CNTN5: variants seen among roughly 807,000 people sequenced by gnomAD.
The protein encoded by CNTN5 is contactin-5.
Under a neutral mutation model 129.1 loss-of-function variants are expected in CNTN5, and 77 were observed. The ratio of observed to expected loss-of-function variants is 0.60; its 90% CI spans 0.50 to 0.72. The LOEUF (loss-of-function observed/expected upper bound fraction) is 0.72. Among genes scored for constraint, CNTN5 ranks in the 30% least tolerant of loss-of-function variants. CNTN5 has a pLI of 0.00. For missense variants in CNTN5, 1,478 were observed against 1,328.8 expected, an observed-to-expected ratio of 1.11 and a Z score of -1.75; for synonymous variants, 509 against 465.6, an observed-to-expected ratio of 1.09 and a Z score of -1.20.
intron 1 of CNTN5, among the ~76,000 whole-genome samples, chr11:99,301,428 G>T (rs1391070864): frequency 6.6e-6 from 1 of 151,576 alleles, no homozygotes; most frequent in Non-Finnish European, 1.5e-5. Flanking sequence ...ATAATCAAGA[G>T]AACTGGAATG....
rs775793276 is a variant in CNTN5 at position 100,356,233 on chromosome 11, T to A, written c.*13T>A. ...AACTTCCTGGTGAAAACTGCTGACT[T>A]AATTTGCTTTTGTTTGCTTTAGCTT... On this transcript the variant is annotated 3_prime_UTR_variant, in exon 25 of 25. Coordinates refer to ENST00000524871, the MANE Select transcript of CNTN5 (RefSeq NM_014361.4). 5 of 1,564,704 alleles carry A rather than the reference T, an allele frequency of 3.2e-6. No individual in the cohort carries two copies. The highest frequency in any genetic ancestry group is 1.8e-6 in the Non-Finnish European group (2 of 1,141,506).
chr11:99,042,492 C>G (rs1037615840), intron 1 of CNTN5, among the ~76,000 whole-genome samples: 1 of 150,332 alleles, frequency 6.7e-6, no homozygotes, highest in Non-Finnish European at 1.5e-5. Context: ...TCTCCTGCCT[C>G]AGCCTCCCGA....
At chr11:99,609,031 C>G (rs1221467865) in intron 3 of CNTN5, among the ~76,000 whole-genome samples, 1 of 152,138 alleles carries the variant, frequency 6.6e-6, no homozygotes, top group South Asian at 2.1e-4. Flanking sequence ...CTTTGTATGC[C>G]AGTTTCACAT....
At chr11:99,861,772 G>C (rs552752918) in intron 6 of CNTN5, among the ~76,000 whole-genome samples, 1 of 152,254 alleles carries the variant, frequency 6.6e-6, no homozygotes, top group Non-Finnish European at 1.5e-5. Flanking sequence ...TATTGTGATT[G>C]TTGTACTCAC....
intron 2 of CNTN5, among the ~76,000 whole-genome samples, chr11:99,543,085 A>G (rs1445177108): frequency 6.6e-6 from 1 of 152,150 alleles, no homozygotes; most frequent in Non-Finnish European, 1.5e-5. Flanking sequence ...TGTTATATAT[A>G]TATTCCTGGA....
chr11:99,697,293 G>A (rs1033963702), intron 3 of CNTN5, among the ~76,000 whole-genome samples: 4 of 151,692 alleles, frequency 2.6e-5, no homozygotes, highest in East Asian at 1.9e-4. Context: ...GAAGGATGGG[G>A]TTGGGGAGAG....
intron 1 of CNTN5, among the ~76,000 whole-genome samples, chr11:99,158,319 C>T (rs1306571641): frequency 6.6e-6 from 1 of 152,144 alleles, no homozygotes; most frequent in Non-Finnish European, 1.5e-5. Flanking sequence ...AAGTATGCTT[C>T]ATGTGCATGA....
chr11:99,961,366 A>G (rs994355661), intron 8 of CNTN5, among the ~76,000 whole-genome samples: 2 of 152,180 alleles, frequency 1.3e-5, no homozygotes, highest in African/African-American at 4.8e-5. Flanking sequence ...AATCTATATT[A>G]TTAATGAGAA....
At chr11:99,847,531 C>T (rs893016445) in intron 6 of CNTN5, among the ~76,000 whole-genome samples, 5 of 152,274 alleles carry the variant, frequency 3.3e-5, no homozygotes, top group African/African-American at 4.8e-5. Flanking sequence ...AGGTCATTGG[C>T]TACATACGCA....
chr11:99,301,843 T>C (rs1440988767), intron 1 of CNTN5, among the ~76,000 whole-genome samples: 1 of 151,694 alleles, frequency 6.6e-6, no homozygotes. Context: ...GTGACAATCG[T>C]AAATAAGTTT....
chr11:99,823,461 G>A (rs1315447315), intron 4 of CNTN5, among the ~76,000 whole-genome samples: 1 of 151,516 alleles, frequency 6.6e-6, no homozygotes, highest in Non-Finnish European at 1.5e-5. Context: ...TTTCTACAAG[G>A]CCTACTTTTT....
Position 99,071,194 on chromosome 11 carries a change from T to C in CNTN5, c.-210+49924T>C, listed in dbSNP as rs375792820. Among the ~76,000 whole-genome samples the C allele has an allele frequency of 2.0e-3, 301 of 152,268 alleles. 14 individuals are homozygous for C. In the South Asian group the frequency reaches 0.061, roughly 31 times the overall value. The stretch of plus-strand genomic sequence containing the variant: ...ACTGAGGCTCAAAGAACATAAAATA[T>C]ATACTAGAGGTCACTCTACTCTCTG... On this transcript the variant is annotated intron_variant, in intron 1 of 24. Coordinates refer to ENST00000524871, the MANE Select transcript of CNTN5 (RefSeq NM_014361.4).
At chr11:100,271,014 A>G (rs994173409) in intron 17 of CNTN5, 78 bp from the exon 18 acceptor site, 19 of 1,153,338 alleles carry the variant, frequency 1.6e-5, no homozygotes, top group Non-Finnish European at 2.2e-5. Context: ...TTCTGTCAGT[A>G]GCATTAATAT....
chr11:99,529,438 C>T (rs1947613676), intron 2 of CNTN5, among the ~76,000 whole-genome samples: 1 of 152,166 alleles, frequency 6.6e-6, no homozygotes, highest in African/African-American at 2.4e-5. Flanking sequence ...GTAACAGTTA[C>T]ACTTAACATG....
At chr11:100,026,863 T>C (rs1941448144) in intron 9 of CNTN5, among the ~76,000 whole-genome samples, 1 of 152,152 alleles carries the variant, frequency 6.6e-6, no homozygotes, top group South Asian at 2.1e-4. Flanking sequence ...TTACGAAGCA[T>C]AAAATTTTAA....
chr11:99,455,940 A>G (rs533672245), intron 2 of CNTN5, among the ~76,000 whole-genome samples: 6 of 152,278 alleles, frequency 3.9e-5, no homozygotes, highest in African/African-American at 1.4e-4. Flanking sequence ...CCCAAAGGAT[A>G]GTTGTGGCTC....
At chr11:99,955,567 C>T (rs555375121) in intron 7 of CNTN5, among the ~76,000 whole-genome samples, 2 of 151,390 alleles carry the variant, frequency 1.3e-5, no homozygotes, top group African/African-American at 4.8e-5. Context: ...TGTAATTTCC[C>T]CTTTTTTTTT....
chr11:100,062,100 A>AC, intron 10 of CNTN5, among the ~76,000 whole-genome samples: 1 of 152,306 alleles, frequency 6.6e-6, no homozygotes, highest in East Asian at 1.9e-4. Flanking sequence ...AGTTGTTTGT[A>AC]CTTTTCATAT....
chr11:100,101,858 A>G (rs927477076), intron 13 of CNTN5, among the ~76,000 whole-genome samples: 3 of 152,096 alleles, frequency 2.0e-5, no homozygotes, highest in Admixed American at 2.0e-4. Context: ...GAATTACTTC[A>G]CTTAGAATAA....
Sources: allele counts gnomAD v4.1 joint callset (sites outside exome capture counted in the v4.1 genomes callset), GRCh38; gene constraint gnomAD v4.1.1; transcripts MANE v1.5; gene names NCBI Gene and HGNC (gene_info 2026-07-23, HGNC 2026-07-21).